ULK4: variants seen among roughly 807,000 people sequenced by gnomAD.
The protein encoded by ULK4 is inactive serine/threonine-protein kinase ULK4.
A neutral mutation model predicts 160.6 loss-of-function variants in ULK4; 133 were observed. The observed-to-expected ratio is 0.83, with a 90% CI of 0.72 to 0.96. ULK4 has a LOEUF of 0.96. ULK4 is among the 40% of genes least tolerant of loss of function. The probability of loss-of-function intolerance (pLI) is 0.00; values close to 1 mark genes in which losing one functional copy is unlikely to be tolerated. For missense variants in ULK4, 1,580 were observed against 1,499.5 expected (o/e 1.05, Z -0.89); for synonymous variants, 534 against 539.8 (o/e 0.99, Z 0.15).
At chr3:41,671,446 A>G (rs2035534242) in intron 29 of ULK4, among the ~76,000 whole-genome samples, 1 of 152,158 alleles carries the variant, frequency 6.6e-6, no homozygotes, top group Non-Finnish European at 1.5e-5. Flanking sequence ...ACACATTTGT[A>G]GCCAATTAAT....
chr3:41,306,446 G>T (rs184430586), intron 35 of ULK4, among the ~76,000 whole-genome samples: 8 of 133,774 alleles, frequency 6.0e-5, no homozygotes, highest in Non-Finnish European at 1.1e-4. Context: ...CCCTCTGCCC[G>T]GCCAGTGGCC....
At chr3:41,956,818 GGC>G (rs1700500658) in intron 1 of ULK4, among the ~76,000 whole-genome samples, 1 of 152,070 alleles carries the variant, frequency 6.6e-6, no homozygotes, top group Non-Finnish European at 1.5e-5. Flanking sequence ...TATTGCTTAT[GGC>G]TGCTTTCAAA....
intron 17 of ULK4, among the ~76,000 whole-genome samples, chr3:41,871,023 C>T (rs1697070126): frequency 6.6e-6 from 1 of 152,186 alleles, no homozygotes; most frequent in Non-Finnish European, 1.5e-5. Context: ...CACTCATTCT[C>T]TCCTCCCGCC....
At chr3:41,817,028 G>A (rs1275513135) in intron 19 of ULK4, among the ~76,000 whole-genome samples, 1 of 151,922 alleles carries the variant, frequency 6.6e-6, no homozygotes, top group Non-Finnish European at 1.5e-5. Flanking sequence ...GCAGAGCAGG[G>A]GAGAGAAGAC....
At chr3:41,565,995 G>C (rs1221579386) in intron 32 of ULK4, 30 bp downstream of exon 32, 2 of 1,569,294 alleles carry the variant, frequency 1.3e-6, no homozygotes, top group Admixed American at 1.7e-5. Flanking sequence ...GGCAAAACTT[G>C]ATCAGAGAGT....
chr3:41,742,377 T>C (rs1442501545), intron 22 of ULK4, among the ~76,000 whole-genome samples: 1 of 151,968 alleles, frequency 6.6e-6, no homozygotes, highest in Non-Finnish European at 1.5e-5. Context: ...TGTGACAGTA[T>C]TAAGGTGTCT....
At chr3:41,640,464 T>C (rs1488691954) in intron 30 of ULK4, among the ~76,000 whole-genome samples, 1 of 152,188 alleles carries the variant, frequency 6.6e-6, no homozygotes, top group African/African-American at 2.4e-5. Context: ...TAGAATGGTC[T>C]CTCGTTTTGC....
intron 21 of ULK4, among the ~76,000 whole-genome samples, chr3:41,781,330 T>C (rs1026787017): frequency 2.0e-5 from 3 of 150,338 alleles, no homozygotes; most frequent in Non-Finnish European, 4.4e-5. Context: ...GGCAGGAGAA[T>C]GGCGTGAACC....
intron 36 of ULK4, 28 bp downstream of exon 36, chr3:41,249,461 A>T: frequency 1.9e-6 from 3 of 1,602,320 alleles, no homozygotes. Flanking sequence ...TCTAGAGCAG[A>T]CTGCTGATCC....
At chr3:41,504,792 C>T (rs1176855492) in intron 32 of ULK4, among the ~76,000 whole-genome samples, 3 of 152,112 alleles carry the variant, frequency 2.0e-5, no homozygotes. Context: ...AATAACATTT[C>T]ATTTGCAGAT....
chr3:41,916,345 A>G (rs1158696017), intron 7 of ULK4, among the ~76,000 whole-genome samples: 1 of 152,208 alleles, frequency 6.6e-6, no homozygotes, highest in Non-Finnish European at 1.5e-5. Context: ...AACAATCCCA[A>G]TAAGGATCAC....
chr3:41,303,813 G>C (rs1296918685), intron 35 of ULK4, among the ~76,000 whole-genome samples: 2 of 152,076 alleles, frequency 1.3e-5, no homozygotes, highest in African/African-American at 2.4e-5. Flanking sequence ...GCCTGCAGTA[G>C]TATCTGGGAT....
At chr3:41,511,818 G>A (rs2085589189) in intron 32 of ULK4, among the ~76,000 whole-genome samples, 1 of 151,916 alleles carries the variant, frequency 6.6e-6, no homozygotes, top group Non-Finnish European at 1.5e-5. Flanking sequence ...ACCAAAACTA[G>A]GAAAGGACAT....
chr3:41,283,465 C>T (rs951949516), intron 35 of ULK4, among the ~76,000 whole-genome samples: 2 of 152,030 alleles, frequency 1.3e-5, no homozygotes, highest in African/African-American at 4.8e-5. Flanking sequence ...TACTATGCAG[C>T]CATAAAAAAG....
intron 30 of ULK4, among the ~76,000 whole-genome samples, chr3:41,661,430 T>C (rs1211063086): frequency 6.6e-6 from 1 of 150,574 alleles, no homozygotes; most frequent in Non-Finnish European, 1.5e-5. Flanking sequence ...TATATACACA[T>C]ATGTGTGTGT....
intron 21 of ULK4, among the ~76,000 whole-genome samples, chr3:41,780,698 T>C (rs2039810845): frequency 1.3e-5 from 2 of 152,212 alleles, no homozygotes; most frequent in Admixed American, 1.3e-4. Context: ...TCCATAGCCA[T>C]AGCTTCCAGA....
At chr3:41,736,311 G>C (rs537576530) in intron 22 of ULK4, among the ~76,000 whole-genome samples, 17,426 of 150,706 alleles carry the variant, frequency 0.12, 3,426 homozygotes, top group African/African-American at 0.4. Flanking sequence ...CCCACCAACA[G>C]TGTAAAAGTG....
At chr3:41,488,502 T>G (rs2084627809) in intron 32 of ULK4, among the ~76,000 whole-genome samples, 1 of 152,200 alleles carries the variant, frequency 6.6e-6, no homozygotes, top group Admixed American at 6.5e-5. Context: ...CTGCATTAGT[T>G]GAATTTTTAT....
chr3:41,594,100 A>G, intron 31 of ULK4, among the ~76,000 whole-genome samples: 1 of 152,152 alleles, frequency 6.6e-6, no homozygotes. Context: ...GTGGGCAAGC[A>G]GAGTTATTTT....
Sources: gnomAD v4.1 joint callset for allele counts (sites outside exome capture counted in the v4.1 genomes callset) on GRCh38, gnomAD v4.1.1 for gene constraint, MANE v1.5 for transcripts, NCBI Gene and HGNC (gene_info 2026-07-23, HGNC 2026-07-21) for gene names.